The following CREB3L2 variants were observed in gnomAD, a reference collection of about 807,000 sequenced individuals.
The protein encoded by CREB3L2 is cAMP responsive element binding protein 3 like 2, also known as cyclic AMP-responsive element-binding protein 3-like protein 2.
CREB3L2 carries 23 observed loss-of-function variants against 57.2 expected under a neutral mutation model. The observed-to-expected ratio is 0.40, with a 90% CI of 0.29 to 0.57. CREB3L2 has a LOEUF of 0.57. Ranked by LOEUF, CREB3L2 falls within the 20% of genes least tolerant of loss-of-function variation. CREB3L2 has a pLI of 0.42. For missense variants in CREB3L2, 628 were observed against 634.7 expected (o/e 0.99, Z 0.11); for synonymous variants, 268 against 265.1 (o/e 1.01, Z -0.11).
Position 137,875,079 on chromosome 7 carries a change from C to CAA in CREB3L2, c.*5395_*5396dup, listed in dbSNP as rs1293010537. On this transcript the variant is annotated 3_prime_UTR_variant, in exon 12 of 12. Coordinates refer to ENST00000330387, the MANE Select transcript of CREB3L2 (RefSeq NM_194071.4). ...TCCCAAACTAAGTACAAGTGTCCTA[C>CAA]AAAGCTTTTTTTTTTTTTTGGTATT... The CAA allele has an allele frequency of 5.4e-6, 1 of 183,554 alleles. No individual in the cohort carries two copies. Among genetic ancestry groups the CAA allele is most frequent in the African/African-American group, 2.6e-5 (1 of 38,726 alleles). 11.4% of individuals were successfully genotyped at this position (183,554 alleles called of 1,614,324 possible). A position where few individuals can be genotyped will look rare whatever the true frequency, so the allele number is the denominator to read the frequency against.
At chr7:137,890,171 T>C (rs1585594918) in intron 8 of CREB3L2, among the ~76,000 whole-genome samples, 1 of 152,322 alleles carries the variant, frequency 6.6e-6, no homozygotes, top group Non-Finnish European at 1.5e-5. Context: ...AAACCCATTC[T>C]GACGGCAAGG....
At chr7:137,946,768 AGTTAT>A (rs1563262159) in intron 1 of CREB3L2, among the ~76,000 whole-genome samples, 3 of 31,928 alleles carry the variant, frequency 9.4e-5, no homozygotes, top group African/African-American at 2.7e-4. Flanking sequence ...TATATAGTTT[AGTTAT>A]CTATATAGTT....
At chr7:137,981,825 TAG>T (rs972695433) in intron 1 of CREB3L2, among the ~76,000 whole-genome samples, 4 of 152,230 alleles carry the variant, frequency 2.6e-5, no homozygotes, top group Non-Finnish European at 5.9e-5. Context: ...TCTCCAAAAA[TAG>T]AGTTTGCTCC....
chr7:137,983,323 G>T (rs117839296), intron 1 of CREB3L2, among the ~76,000 whole-genome samples: 1 of 152,326 alleles, frequency 6.6e-6, no homozygotes, highest in East Asian at 1.9e-4. Context: ...AGAAGCAAGG[G>T]CAGAAATGCA....
chr7:137,937,416 T>C (rs1177153100), intron 1 of CREB3L2, among the ~76,000 whole-genome samples: 1 of 152,182 alleles, frequency 6.6e-6, no homozygotes, highest in Non-Finnish European at 1.5e-5. Context: ...CTCCTCCCCT[T>C]GCAGGGAGAG....
chr7:137,972,732 T>G (rs1318936697), intron 1 of CREB3L2, among the ~76,000 whole-genome samples: 15 of 26,804 alleles, frequency 5.6e-4, no homozygotes, highest in South Asian at 1.6e-3. Flanking sequence ...TATATATATA[T>G]ATATAGAGAG....
rs1460125623 is a variant in CREB3L2, at chr7:137,880,943, A to C, written c.1488-392T>G. ...CCTAGAAGAGCTAATAATCCAGATA[A>C]AGATTTTTAACAATGAGCTAATTTG... is the stretch of plus-strand genomic sequence containing the variant. On this transcript the variant is annotated intron_variant, in intron 11 of 11. Transcript: ENST00000330387. The surrounding 1 kb of genome is among the most constrained non-coding windows in gnomAD (Gnocchi z 4.0). 1.3e-5 allele frequency among the ~76,000 whole-genome samples: 2 copies of C among 152,232 alleles called. No individual in the cohort carries two copies. The highest frequency in any genetic ancestry group is 2.9e-5 in the Non-Finnish European group (2 of 68,044).
At chr7:137,928,396 T>C in intron 1 of CREB3L2, 30 bp from the exon 2 acceptor site, 1 of 1,576,252 alleles carries the variant, frequency 6.3e-7, no homozygotes, top group Non-Finnish European at 8.7e-7. Flanking sequence ...AAGAACTCAG[T>C]TTCTCTTAAC....
At chr7:138,000,644 A>C (rs1196255856) in intron 1 of CREB3L2, among the ~76,000 whole-genome samples, 1 of 152,172 alleles carries the variant, frequency 6.6e-6, no homozygotes, top group Admixed American at 6.5e-5. Context: ...AAGGGGAAGC[A>C]GCCAAGCCTC....
Position 137,878,983 on chromosome 7 carries a change from AGG to A in CREB3L2, c.*1491_*1492del. ...AGGGAGAGAGAGAAGCCAAAACCAA[AGG>A]CATTTCAGCTGCTAATAAAAATAAA... On this transcript the variant is annotated 3_prime_UTR_variant, in exon 12 of 12. Transcript: ENST00000330387. 2.4e-6 allele frequency: 1 copy of A among 415,420 alleles called. No individual in the cohort carries two copies. Among genetic ancestry groups the A allele is most frequent in the Admixed American group, 3.8e-5 (1 of 26,430 alleles). 25.7% of individuals were successfully genotyped at this position (415,420 alleles called of 1,614,324 possible). A position where few individuals can be genotyped will look rare whatever the true frequency, so the allele number is the denominator to read the frequency against.
intron 6 of CREB3L2, among the ~76,000 whole-genome samples, chr7:137,904,857 GAAAGA>G (rs1307796948): frequency 3.4e-5 from 5 of 148,902 alleles, no homozygotes; most frequent in African/African-American, 4.9e-5. Flanking sequence ...AAAAAAGAAA[GAAAGA>G]AAAGAAAAGA....
chr7:137,966,505 T>C (rs1801409821), intron 1 of CREB3L2, among the ~76,000 whole-genome samples: 1 of 152,148 alleles, frequency 6.6e-6, no homozygotes, highest in Admixed American at 6.5e-5. Context: ...ACGACTCAGA[T>C]AGAAGGAAAG....
At chr7:137,901,490 G>A (rs56346359) in intron 7 of CREB3L2, 68 bp from the exon 8 acceptor site, 1 of 996,920 alleles carries the variant, frequency 1.0e-6, no homozygotes, top group Non-Finnish European at 1.6e-6. Context: ...AGCTAGGGTG[G>A]AGGTAGGTGG....
In CREB3L2 at chr7:137,876,806, T is replaced by C. The variant is rs937332204; in HGVS notation, c.*3670A>G. 7 of 232,174 alleles carry C rather than the reference T, an allele frequency of 3.0e-5. No individual in the cohort carries two copies. The highest frequency in any genetic ancestry group is 6.0e-5 in the Non-Finnish European group (7 of 117,464). The allele number at this position is 232,174 out of a possible 1,614,324, so 14.4% of individuals were successfully genotyped here. Reference sequence around the variant, plus strand: ...TTCAATAGAACCAACTGTAGTGACTTGGGGCAGAGGAAGGGGAGGATGAAG... The same window carrying C: ...TTCAATAGAACCAACTGTAGTGACTCGGGGCAGAGGAAGGGGAGGATGAAG... On this transcript the variant is annotated 3_prime_UTR_variant, in exon 12 of 12. Coordinates refer to ENST00000330387, the MANE Select transcript of CREB3L2 (RefSeq NM_194071.4).
intron 1 of CREB3L2, among the ~76,000 whole-genome samples, chr7:137,964,819 T>C (rs1424561162): frequency 6.6e-6 from 1 of 152,150 alleles, no homozygotes; most frequent in African/African-American, 2.4e-5. Context: ...AAGGAGATAA[T>C]TGAATGATGG....
intron 1 of CREB3L2, among the ~76,000 whole-genome samples, chr7:137,967,506 T>G (rs1446209265): frequency 6.6e-6 from 1 of 152,124 alleles, no homozygotes; most frequent in African/African-American, 2.4e-5. Flanking sequence ...CCAGCCCTCC[T>G]CCCACAGTCA....
At chr7:137,962,676 T>C (rs1357235168) in intron 1 of CREB3L2, among the ~76,000 whole-genome samples, 1 of 152,046 alleles carries the variant, frequency 6.6e-6, no homozygotes, top group Non-Finnish European at 1.5e-5. Context: ...CATCGTGGTT[T>C]ATTGTTCTCC....
chr7:137,917,434 C>CTTTT (rs1800163022), intron 2 of CREB3L2, among the ~76,000 whole-genome samples: 1 of 152,130 alleles, frequency 6.6e-6, no homozygotes. Context: ...TAAAATGAGG[C>CTTTT]TAAAATAAAG....
At chr7:137,990,766 T>C (rs561462907) in intron 1 of CREB3L2, among the ~76,000 whole-genome samples, 7 of 152,348 alleles carry the variant, frequency 4.6e-5, no homozygotes, top group African/African-American at 1.4e-4. Context: ...ACCCTATCAG[T>C]TTGAATCCTG....
Sources: allele counts gnomAD v4.1 joint callset (sites outside exome capture counted in the v4.1 genomes callset), GRCh38; gene constraint gnomAD v4.1.1; non-coding constraint Gnocchi (gnomAD v3.1); transcripts MANE v1.5; gene names NCBI Gene and HGNC (gene_info 2026-07-23, HGNC 2026-07-21).